Variants in TSPAN33 observed in about 807,000 individuals in gnomAD.
TSPAN33 encodes the protein tetraspanin-33.
In TSPAN33, 27 loss-of-function variants were observed where a neutral mutation model predicts 34.8. The ratio of observed to expected loss-of-function variants is 0.78; its 90% CI spans 0.57 to 1.07. The LOEUF (loss-of-function observed/expected upper bound fraction) is 1.07. TSPAN33 is among the 50% of genes least tolerant of loss of function. The pLI is 0.00. For synonymous variants in TSPAN33, 119 were observed against 124.2 expected (o/e 0.96, Z 0.28); for missense variants, 272 against 324.9 (o/e 0.84, Z 1.25).
intron 2 of TSPAN33, 112 bp downstream of exon 2, chr7:129,161,848 C>CATGAAGATTTGG: frequency 7.4e-7 from 1 of 1,355,176 alleles, no homozygotes; most frequent in Non-Finnish European, 1.0e-6. Flanking sequence ...AGGCAGCCTC[C>CATGAAGATTTGG]CTGGAGCCAA....
rs1793072074 is a variant in TSPAN33 at position 129,162,751 on chromosome 7, C to A, written c.289-82C>A. ...TGGGGCATCTGGGAGAATTGCCTGG[C>A]AGCTCCCAGCATCCCCTTGGCCCTG... On this transcript the variant is annotated intron_variant, in intron 3 of 7. Coordinates refer to ENST00000486685, the MANE Select transcript of TSPAN33 (RefSeq NM_178562.5). The A allele has an allele frequency of 4.0e-6, 6 of 1,506,036 alleles. No homozygotes were observed. The African/African-American group carries it at 4.1e-5, about 10-fold the overall frequency. The allele number at this position is 1,506,036 out of a possible 1,614,324, so 93.3% of individuals were successfully genotyped here.
At chr7:129,147,315 T>G (rs1563134992) in intron 1 of TSPAN33, among the ~76,000 whole-genome samples, 1 of 152,174 alleles carries the variant, frequency 6.6e-6, no homozygotes, top group South Asian at 2.1e-4. Flanking sequence ...AGTGAACTAT[T>G]TAAGGATGAA....
intron 1 of TSPAN33, among the ~76,000 whole-genome samples, chr7:129,150,554 A>AG (rs1209693056): frequency 6.6e-6 from 1 of 152,212 alleles, no homozygotes; most frequent in Non-Finnish European, 1.5e-5. Context: ...ATCCAGACCT[A>AG]GGTTCCATTC....
At chr7:129,160,514 G>A (rs1156990378) in intron 1 of TSPAN33, among the ~76,000 whole-genome samples, 5 of 152,242 alleles carry the variant, frequency 3.3e-5, no homozygotes, top group African/African-American at 1.2e-4. Context: ...GGGCTAGGGG[G>A]TAGATAAGGC....
intron 1 of TSPAN33, among the ~76,000 whole-genome samples, chr7:129,146,793 G>A (rs1358688802): frequency 6.6e-6 from 1 of 152,190 alleles, no homozygotes; most frequent in South Asian, 2.1e-4. Context: ...CTCGGAGCCA[G>A]CACTAGCATT....
intron 1 of TSPAN33, among the ~76,000 whole-genome samples, chr7:129,159,694 G>A (rs1395028136): frequency 6.6e-6 from 1 of 152,200 alleles, no homozygotes; most frequent in Non-Finnish European, 1.5e-5. Flanking sequence ...GGAATGACTG[G>A]CATCTCTGTC....
At chr7:129,162,983 T>C (rs928929820) in intron 4 of TSPAN33, 76 bp downstream of exon 4, 4 of 1,425,978 alleles carry the variant, frequency 2.8e-6, no homozygotes, top group Non-Finnish European at 3.9e-6. Context: ...ATGTTTAGCC[T>C]GGTTAATTAA....
intron 1 of TSPAN33, among the ~76,000 whole-genome samples, chr7:129,152,422 G>A (rs929939320): frequency 1.3e-5 from 2 of 152,132 alleles, no homozygotes; most frequent in Admixed American, 6.5e-5. Context: ...GGCAGGGCAC[G>A]GTGGCTCATG....
intron 1 of TSPAN33, among the ~76,000 whole-genome samples, chr7:129,147,223 A>G (rs914014638): frequency 6.6e-6 from 1 of 152,076 alleles, no homozygotes; most frequent in African/African-American, 2.4e-5. Flanking sequence ...TTTGGCACCA[A>G]CTTACTGTGT....
intron 1 of TSPAN33, among the ~76,000 whole-genome samples, chr7:129,149,714 G>A (rs569512542): frequency 3.9e-5 from 6 of 152,290 alleles, no homozygotes; most frequent in Non-Finnish European, 4.4e-5. Flanking sequence ...AAAGCCAGCC[G>A]TGGCCTGAGG....
rs3830630 is a variant in TSPAN33, at chr7:129,168,530, G to GTA, written c.*657_*658dup. Reference sequence around the variant, plus strand: ...GGAAACATGGCAGCTAGGACACGGGGTACAACAGCAGCCAAATTCTTCCCC... The same window carrying GTA: ...GGAAACATGGCAGCTAGGACACGGGGTATACAACAGCAGCCAAATTCTTCCCC... On this transcript the variant is annotated 3_prime_UTR_variant, in exon 8 of 8. Coordinates refer to ENST00000486685, the MANE Select transcript of TSPAN33 (RefSeq NM_178562.5). The GTA allele has an allele frequency of 0.075, 11,427 of 153,230 alleles. 515 individuals are homozygous for GTA. The highest frequency in any genetic ancestry group is 0.088 in the East Asian group (458 of 5,188). The allele number at this position is 153,230 out of a possible 1,614,324, so 9.5% of individuals were successfully genotyped here.
chr7:129,162,746 C>A (rs1323740269), intron 3 of TSPAN33, 87 bp from the exon 4 acceptor site: 1 of 1,494,308 alleles, frequency 6.7e-7, no homozygotes, highest in Non-Finnish European at 9.2e-7. Flanking sequence ...GGGAGAATTG[C>A]CTGGCAGCTC....
At chr7:129,153,492 G>C (rs910822319) in intron 1 of TSPAN33, among the ~76,000 whole-genome samples, 4 of 152,136 alleles carry the variant, frequency 2.6e-5, no homozygotes, top group African/African-American at 9.7e-5. Context: ...AAAGCCAAGA[G>C]ACTGTTCCAG....
intron 1 of TSPAN33, among the ~76,000 whole-genome samples, chr7:129,160,846 T>C (rs1202090853): frequency 6.6e-6 from 1 of 152,214 alleles, no homozygotes; most frequent in Admixed American, 6.5e-5. Context: ...TCAAAACTTT[T>C]CCATTTATGT....
intron 1 of TSPAN33, among the ~76,000 whole-genome samples, chr7:129,145,907 CA>C (rs972787481): frequency 1.3e-5 from 2 of 151,982 alleles, no homozygotes; most frequent in Non-Finnish European, 1.5e-5. Context: ...CCAGTGTGAT[CA>C]GGGGTGGCAG....
intron 1 of TSPAN33, among the ~76,000 whole-genome samples, chr7:129,149,524 C>T (rs1020503753): frequency 6.6e-6 from 1 of 152,080 alleles, no homozygotes; most frequent in Admixed American, 6.6e-5. Flanking sequence ...TTACATTCCA[C>T]GCTGGGCAAC....
intron 1 of TSPAN33, among the ~76,000 whole-genome samples, chr7:129,161,458 C>T (rs531708408): frequency 1.2e-4 from 19 of 152,184 alleles, no homozygotes; most frequent in South Asian, 4.1e-4. Flanking sequence ...AATTGTGTTA[C>T]GAGCACTGAA....
At position 129,165,929 on chromosome 7, in the gene TSPAN33, A is replaced by T. The variant is rs1444118848; in HGVS notation, c.460-849A>T. Among the ~76,000 whole-genome samples the T allele has an allele frequency of 2.1e-5, 2 of 93,758 alleles. No homozygotes were observed. The highest frequency in any genetic ancestry group is 7.4e-5 in the African/African-American group (2 of 26,972). 61.5% of individuals were successfully genotyped at this position (93,758 alleles called of 152,430 possible). On this transcript the variant is annotated intron_variant, in intron 5 of 7. Transcript: ENST00000486685. The surrounding 1 kb of genome is among the most constrained non-coding windows in gnomAD (Gnocchi z 4.5). ...CGTCTCAAAAATAAATAAGTGAAAA[A>T]TAAAAGTTAACTTTTTTTTTTCCCT...
intron 1 of TSPAN33, among the ~76,000 whole-genome samples, chr7:129,146,539 G>T (rs1394637527): frequency 6.6e-6 from 1 of 152,198 alleles, no homozygotes; most frequent in Non-Finnish European, 1.5e-5. Context: ...AGTGCCGCTG[G>T]GGGAAGTCCT....
Sources: allele counts gnomAD v4.1 joint callset (sites outside exome capture counted in the v4.1 genomes callset), GRCh38; gene constraint gnomAD v4.1.1; non-coding constraint Gnocchi (gnomAD v3.1); transcripts MANE v1.5; gene names NCBI Gene and HGNC (gene_info 2026-07-23, HGNC 2026-07-21).